Variants in NFIX observed in about 807,000 individuals in gnomAD.
NFIX encodes nuclear factor I X.
A neutral mutation model predicts 53.3 loss-of-function variants in NFIX; 2 were observed. The ratio of observed to expected loss-of-function variants is 0.04; its 90% CI spans 0.02 to 0.12. The LOEUF is 0.12. Among genes scored for constraint, NFIX ranks in the 10% least tolerant of loss-of-function variants. The probability of loss-of-function intolerance (pLI) is 1.00; values close to 1 mark genes in which losing one functional copy is unlikely to be tolerated. For synonymous variants in NFIX, 244 were observed against 289.0 expected, an observed-to-expected ratio of 0.84 and a Z score of 1.58; for missense variants, 310 against 674.5, an observed-to-expected ratio of 0.46 and a Z score of 5.99.
chr19:13,059,238 G>C (rs1380460253), intron 2 of NFIX, among the ~76,000 whole-genome samples: 1 of 152,236 alleles, frequency 6.6e-6, no homozygotes, highest in East Asian at 1.9e-4. Context: ...AGGGCTGATG[G>C]TTCAGTCTCC....
chr19:13,068,442 T>TG lies in NFIX; in HGVS notation c.560-4602dup, dbSNP rs934582105. On this transcript the variant is annotated intron_variant, in intron 2 of 10. Transcript: ENST00000592199. The surrounding 1 kb of genome is among the most constrained non-coding windows in gnomAD (Gnocchi z 4.2). ...CAGGGGCTGAGAAGGGGAGCTGGTG[T>TG]GGGTGTGAGAAGGGCAATTTTGCAG... is the stretch of plus-strand genomic sequence containing the variant. Among the ~76,000 whole-genome samples, 1 of 152,068 alleles carries TG rather than the reference T, an allele frequency of 6.6e-6. No individual in the cohort carries two copies. The highest frequency in any genetic ancestry group is 1.5e-5 in the Non-Finnish European group (1 of 68,010).
Position 13,021,419 on chromosome 19 carries a change from G to A in NFIX, c.28-3602G>A, listed in dbSNP as rs1486753399. Among the ~76,000 whole-genome samples the A allele has an allele frequency of 2.6e-5, 4 of 152,124 alleles. No homozygotes were observed. In the South Asian group the frequency reaches 8.3e-4, roughly 32 times the overall value. ...TGTCAGGGTTCAGCGCCAGCCCAGG[G>A]CTGGATGTTTTATTTTGGCATGCCC... On this transcript the variant is annotated intron_variant, in intron 1 of 10. Transcript: ENST00000592199. This position sits in a 1 kb window ranked among gnomAD's most constrained non-coding sequence, Gnocchi z 4.2.
intron 5 of NFIX, among the ~76,000 whole-genome samples, chr19:13,074,705 T>C (rs1359083301): frequency 7.9e-5 from 11 of 139,060 alleles, no homozygotes; most frequent in Non-Finnish European, 9.4e-5. Context: ...TCCACTCCAC[T>C]TTTTTTTTTT....
chr19:13,049,031 C>T lies in NFIX; in HGVS notation c.559+23479C>T, dbSNP rs1304370244. The stretch of plus-strand genomic sequence containing the variant: ...GGCAGAGGTTGCAGTGAGACAAGAT[C>T]GCGTCACTGTACCCCAGCCTGGGCG... On this transcript the variant is annotated intron_variant, in intron 2 of 10. Transcript: ENST00000592199. The surrounding 1 kb of genome is among the most constrained non-coding windows in gnomAD (Gnocchi z 4.5). Among the ~76,000 whole-genome samples, 3 of 151,948 alleles carry T rather than the reference C, an allele frequency of 2.0e-5. No individual in the cohort carries two copies. The highest frequency in any genetic ancestry group is 2.9e-5 in the Non-Finnish European group (2 of 67,998).
chr19:13,074,069 C>CCCAGGG, intron 5 of NFIX, 43 bp downstream of exon 5: 1 of 1,612,242 alleles, frequency 6.2e-7, no homozygotes, highest in Non-Finnish European at 8.5e-7. Flanking sequence ...CTCCACTCCC[C>CCCAGGG]CCAGGGCCAG....
intron 2 of NFIX, among the ~76,000 whole-genome samples, chr19:13,056,705 CTTGGA>C (rs1395748364): frequency 1.3e-5 from 2 of 152,222 alleles, no homozygotes; most frequent in Non-Finnish European, 1.5e-5. Flanking sequence ...TCCTCACTTA[CTTGGA>C]CCATTGAGCA....
At position 13,022,683 on chromosome 19, in the gene NFIX, C is replaced by G. The variant is rs1171863690; in HGVS notation, c.28-2338C>G. 1.3e-5 allele frequency among the ~76,000 whole-genome samples: 2 copies of G among 152,174 alleles called. No individual in the cohort carries two copies. Among genetic ancestry groups the G allele is most frequent in the Non-Finnish European group, 1.5e-5 (1 of 67,988 alleles). ...CTGAAACCAAAACACAGAGAGAAGG[C>G]GCAGCTGCTTCCCCAAGGCCTTCTG... On this transcript the variant is annotated intron_variant, in intron 1 of 10. Coordinates refer to ENST00000592199, the MANE Select transcript of NFIX (RefSeq NM_001365902.3). The surrounding 1 kb of genome is among the most constrained non-coding windows in gnomAD (Gnocchi z 4.5).
chr19:13,076,405 G>C (rs537171301), intron 6 of NFIX, among the ~76,000 whole-genome samples: 16 of 152,314 alleles, frequency 1.1e-4, no homozygotes, highest in African/African-American at 3.8e-4. Context: ...TCTTGACTGA[G>C]GGTGCAGACA....
rs994522173 is a variant in NFIX at position 12,998,137 on chromosome 19, C to T, written c.27+2273C>T. Among the ~76,000 whole-genome samples, 11 of 152,156 alleles carry T rather than the reference C, an allele frequency of 7.2e-5. No individual in the cohort carries two copies. Among genetic ancestry groups the T allele is most frequent in the Admixed American group, 3.9e-4 (6 of 15,274 alleles). ...CCTCTTTCCTTTGCTGTCTTTTTCT[C>T]GGTCTGTTTTTATCGGTCTCTGGTG... is the stretch of plus-strand genomic sequence containing the variant. On this transcript the variant is annotated intron_variant, in intron 1 of 10. Transcript: ENST00000592199. The surrounding 1 kb of genome is among the most constrained non-coding windows in gnomAD (Gnocchi z 4.4).
chr19:13,081,252 C>T lies in NFIX; in HGVS notation c.1079-428C>T, dbSNP rs975690507. Among the ~76,000 whole-genome samples, 8 of 150,938 alleles carry T rather than the reference C, an allele frequency of 5.3e-5. No individual in the cohort carries two copies. The highest frequency in any genetic ancestry group is 3.9e-4 in the Admixed American group (6 of 15,190). On this transcript the variant is annotated intron_variant, in intron 7 of 10. Coordinates refer to ENST00000592199, the MANE Select transcript of NFIX (RefSeq NM_001365902.3). This position sits in a 1 kb window ranked among gnomAD's most constrained non-coding sequence, Gnocchi z 4.7. ...CCCAGGAGGATTGCTTGCCGTGATCCGTGTTTGTGCCACTGCACTCCAGTC... is the reference window on the plus strand; with the variant it reads ...CCCAGGAGGATTGCTTGCCGTGATCTGTGTTTGTGCCACTGCACTCCAGTC...
chr19:13,008,812 T>C (rs2145148443), intron 1 of NFIX, among the ~76,000 whole-genome samples: 1 of 152,086 alleles, frequency 6.6e-6, no homozygotes, highest in Middle Eastern at 3.4e-3. Flanking sequence ...ACACAGTAGG[T>C]GAAGGAGAGG....
chr19:13,019,215 C>T (rs1054830076), intron 1 of NFIX, among the ~76,000 whole-genome samples: 28 of 151,940 alleles, frequency 1.8e-4, no homozygotes, highest in South Asian at 2.1e-4. Context: ...TAGGTAGGTG[C>T]GGGCAGGTTG....
chr19:13,017,475 G>C (rs1437093916), intron 1 of NFIX, among the ~76,000 whole-genome samples: 1 of 152,202 alleles, frequency 6.6e-6, no homozygotes, highest in Non-Finnish European at 1.5e-5. Flanking sequence ...GTGCCAGGCC[G>C]ATCTGAGGGC....
At chr19:13,024,859 C>T (rs2013193006) in intron 1 of NFIX, 162 bp from the exon 2 acceptor site, 1 of 1,310,922 alleles carries the variant, frequency 7.6e-7, no homozygotes, top group Non-Finnish European at 1.1e-6. Flanking sequence ...GTAGAACAAT[C>T]GCAAGAGAAA....
chr19:12,997,545 C>G (rs375611811), intron 1 of NFIX, among the ~76,000 whole-genome samples: 2 of 152,230 alleles, frequency 1.3e-5, no homozygotes, highest in African/African-American at 4.8e-5. Flanking sequence ...GGGCGCCCCT[C>G]ACAACAACTG....
chr19:13,033,922 T>C (rs1330483638), intron 2 of NFIX, among the ~76,000 whole-genome samples: 4 of 152,220 alleles, frequency 2.6e-5, no homozygotes, highest in Admixed American at 2.6e-4. Flanking sequence ...TCAGTGTGCC[T>C]GGAGCTGATT....
At position 13,002,848 on chromosome 19, in the gene NFIX, C is replaced by T. The variant is rs1197074956; in HGVS notation, c.27+6984C>T. ...GCAGTGGGCAGGGGGCAGTGCCCAC[C>T]ACCATCGCCAAGGACCCTGCCCCCT... is the stretch of plus-strand genomic sequence containing the variant. On this transcript the variant is annotated intron_variant, in intron 1 of 10. Transcript: ENST00000592199. This position sits in a 1 kb window ranked among gnomAD's most constrained non-coding sequence, Gnocchi z 6.1. Among the ~76,000 whole-genome samples, 1 of 152,150 alleles carries T rather than the reference C, an allele frequency of 6.6e-6. No individual in the cohort carries two copies. The highest frequency in any genetic ancestry group is 1.5e-5 in the Non-Finnish European group (1 of 67,986).
intron 2 of NFIX, among the ~76,000 whole-genome samples, chr19:13,032,287 G>A (rs990929608): frequency 6.6e-6 from 1 of 152,198 alleles, no homozygotes; most frequent in Non-Finnish European, 1.5e-5. Flanking sequence ...TAGGAGTGGA[G>A]GGTTGGGTGG....
chr19:13,017,278 C>G (rs2012721486), intron 1 of NFIX, among the ~76,000 whole-genome samples: 1 of 152,128 alleles, frequency 6.6e-6, no homozygotes, highest in African/African-American at 2.4e-5. Flanking sequence ...GGGCTAGACA[C>G]CAGGGAAATG....
Sources: gnomAD v4.1 joint callset for allele counts (sites outside exome capture counted in the v4.1 genomes callset) on GRCh38, gnomAD v4.1.1 for gene constraint, Gnocchi (gnomAD v3.1) non-coding constraint, MANE v1.5 for transcripts, NCBI Gene and HGNC (gene_info 2026-07-23, HGNC 2026-07-21) for gene names.